LRRTM4: variants seen among roughly 807,000 people sequenced by gnomAD.
The protein encoded by LRRTM4 is leucine-rich repeat transmembrane neuronal protein 4.
LRRTM4 carries 25 observed loss-of-function variants against 47.6 expected under a neutral mutation model. That is an observed-to-expected ratio of 0.53 (90% CI 0.38 to 0.73). The LOEUF is 0.73. Among genes scored for constraint, LRRTM4 ranks in the 30% least tolerant of loss-of-function variants. The pLI is 0.00. For missense variants in LRRTM4, 638 were observed against 713.4 expected (o/e 0.89, Z 1.20); for synonymous variants, 311 against 269.5 (o/e 1.15, Z -1.51).
intron 3 of LRRTM4, among the ~76,000 whole-genome samples, chr2:76,898,852 T>C (rs575538780): frequency 2.0e-4 from 30 of 151,590 alleles, no homozygotes; most frequent in African/African-American, 7.2e-4. Flanking sequence ...AAACTATATA[T>C]AGTTATACTT....
rs1362231067 is a variant in LRRTM4, at chr2:76,907,745, G to A, written c.1552-158829C>T. On this transcript the variant is annotated intron_variant, in intron 3 of 3. Transcript: ENST00000409884. Reference sequence around the variant, plus strand: ...CGCAAATAAACTAGAAAATCTAGAAGAAATGGATAAATTCCTCGACACATA... The same window carrying A: ...CGCAAATAAACTAGAAAATCTAGAAAAAATGGATAAATTCCTCGACACATA... 1.6e-5 allele frequency among the ~76,000 whole-genome samples: 2 copies of A among 123,788 alleles called. 1 individual carries two copies. 81.2% of individuals were successfully genotyped at this position (123,788 alleles called of 152,430 possible).
At chr2:77,313,459 T>A in intron 3 of LRRTM4, among the ~76,000 whole-genome samples, 1 of 107,394 alleles carries the variant, frequency 9.3e-6, no homozygotes, top group African/African-American at 5.4e-5. Flanking sequence ...CCTGTAATCC[T>A]GTTGCTGTGA....
At chr2:77,125,756 C>T (rs1249728631) in intron 3 of LRRTM4, among the ~76,000 whole-genome samples, 1 of 151,840 alleles carries the variant, frequency 6.6e-6, no homozygotes, top group Non-Finnish European at 1.5e-5. Context: ...GATACCATTC[C>T]TAATTTATTG....
At chr2:77,436,815 T>A (rs903138014) in intron 3 of LRRTM4, among the ~76,000 whole-genome samples, 3 of 151,986 alleles carry the variant, frequency 2.0e-5, no homozygotes, top group Non-Finnish European at 2.9e-5. Flanking sequence ...TTTATTGGTA[T>A]AGACAAATCT....
chr2:76,808,578 A>G (rs1670633181), intron 3 of LRRTM4, among the ~76,000 whole-genome samples: 1 of 152,098 alleles, frequency 6.6e-6, no homozygotes, highest in Admixed American at 6.6e-5. Context: ...AATTTATCCT[A>G]TTTTCAAATA....
intron 3 of LRRTM4, among the ~76,000 whole-genome samples, chr2:76,840,505 A>G (rs1671640443): frequency 6.6e-6 from 1 of 152,228 alleles, no homozygotes; most frequent in South Asian, 2.1e-4. Flanking sequence ...TAAATAGAAA[A>G]GGTTAATGTT....
intron 3 of LRRTM4, among the ~76,000 whole-genome samples, chr2:76,816,326 G>C (rs982047868): frequency 2.0e-5 from 3 of 152,024 alleles, no homozygotes; most frequent in Non-Finnish European, 2.9e-5. Context: ...GCATCTCACC[G>C]ACATCTGAAG....
intron 3 of LRRTM4, among the ~76,000 whole-genome samples, chr2:77,467,607 G>T (rs1174761144): frequency 6.6e-6 from 1 of 152,130 alleles, no homozygotes; most frequent in Non-Finnish European, 1.5e-5. Flanking sequence ...CATACGCTAA[G>T]AATAATTCAT....
At chr2:76,953,891 A>G (rs1318462697) in intron 3 of LRRTM4, among the ~76,000 whole-genome samples, 1 of 151,940 alleles carries the variant, frequency 6.6e-6, no homozygotes, top group Admixed American at 6.6e-5. Context: ...AGAGGTCAGT[A>G]GCTTATGACA....
At chr2:77,328,919 G>A (rs567579609) in intron 3 of LRRTM4, among the ~76,000 whole-genome samples, 1 of 152,156 alleles carries the variant, frequency 6.6e-6, no homozygotes, top group African/African-American at 2.4e-5. Flanking sequence ...GGCAGTAATA[G>A]GCTGAATGGT....
At chr2:76,845,416 C>T (rs1671809833) in intron 3 of LRRTM4, among the ~76,000 whole-genome samples, 1 of 152,008 alleles carries the variant, frequency 6.6e-6, no homozygotes. Context: ...TGGATGAATC[C>T]AGGAGGCAGA....
chr2:77,397,713 A>G (rs1207273661), intron 3 of LRRTM4, among the ~76,000 whole-genome samples: 1 of 151,842 alleles, frequency 6.6e-6, no homozygotes, highest in Non-Finnish European at 1.5e-5. Context: ...AGAGTTATGC[A>G]TATGGTTTTC....
chr2:76,882,093 T>A (rs1160556119), intron 3 of LRRTM4, among the ~76,000 whole-genome samples: 1 of 152,206 alleles, frequency 6.6e-6, no homozygotes, highest in Non-Finnish European at 1.5e-5. Context: ...CATTTCAGAC[T>A]TCTGTAACTT....
chr2:77,190,745 C>T (rs144886471), intron 3 of LRRTM4, among the ~76,000 whole-genome samples: 1 of 152,254 alleles, frequency 6.6e-6, no homozygotes, highest in East Asian at 1.9e-4. Context: ...TACATGCACA[C>T]ACAATACAAA....
rs142111971 is a variant in LRRTM4 at position 77,247,431 on chromosome 2, C to T, written c.1551+270887G>A. The stretch of plus-strand genomic sequence containing the variant: ...TTTTTTGTTACATACGTGAAAAAAC[C>T]GTCTGTCTATTTTCTAGTTTCTAGT... On this transcript the variant is annotated intron_variant, in intron 3 of 3. Transcript: ENST00000409884. Among the ~76,000 whole-genome samples the T allele has an allele frequency of 3.5e-3, 534 of 151,954 alleles. 2 individuals carry two copies. The highest frequency in any genetic ancestry group is 0.012 in the African/African-American group (504 of 41,482).
At chr2:76,888,499 A>T (rs1673149548) in intron 3 of LRRTM4, among the ~76,000 whole-genome samples, 1 of 151,718 alleles carries the variant, frequency 6.6e-6, no homozygotes, top group Non-Finnish European at 1.5e-5. Context: ...TTTTTAAAAT[A>T]CAATATGTAT....
Position 77,444,932 on chromosome 2 carries a change from T to TACACACACACACAC in LRRTM4, c.1551+73372_1551+73385dup, listed in dbSNP as rs745467847. 5.7e-4 allele frequency among the ~76,000 whole-genome samples: 69 copies of TACACACACACACAC among 122,046 alleles called. 1 individual carries two copies. Among genetic ancestry groups the TACACACACACACAC allele is most frequent in the African/African-American group, 1.9e-3 (62 of 32,646 alleles). 80.1% of individuals were successfully genotyped at this position (122,046 alleles called of 152,430 possible). ...CACATAGGCTCTGTCTCCTTTATTTTACACACACACACACACATACACACA... is the reference window on the plus strand; with the variant it reads ...CACATAGGCTCTGTCTCCTTTATTTTACACACACACACACACACACACACACACACATACACACA... On this transcript the variant is annotated intron_variant, in intron 3 of 3. Transcript: ENST00000409884.
intron 3 of LRRTM4, among the ~76,000 whole-genome samples, chr2:77,475,232 A>T (rs576877995): frequency 6.6e-6 from 1 of 152,204 alleles, no homozygotes; most frequent in East Asian, 1.9e-4. Flanking sequence ...CACAGGTGGT[A>T]CTGTTTTTGC....
chr2:77,517,156 C>G (rs764113597), intron 3 of LRRTM4: 1 of 984,978 alleles, frequency 1.0e-6, no homozygotes, highest in Non-Finnish European at 1.2e-6. Flanking sequence ...TCCAGCATTA[C>G]TTATTGACAA....
Sources: gnomAD v4.1 joint callset for allele counts (sites outside exome capture counted in the v4.1 genomes callset) on GRCh38, gnomAD v4.1.1 for gene constraint, MANE v1.5 for transcripts, NCBI Gene and HGNC (gene_info 2026-07-23, HGNC 2026-07-21) for gene names.